Variants in PLS1 observed in about 807,000 individuals in gnomAD.
PLS1 encodes the protein plastin-1.
A neutral mutation model predicts 73.7 loss-of-function variants in PLS1; 32 were observed. That is an observed-to-expected ratio of 0.43 (90% CI 0.33 to 0.58). The LOEUF is 0.58. Ranked by LOEUF, PLS1 falls within the 20% of genes least tolerant of loss-of-function variation. The pLI is 0.04. For synonymous variants in PLS1, 217 were observed against 261.3 expected (o/e 0.83, Z 1.63); for missense variants, 633 against 740.5 (o/e 0.85, Z 1.68).
At chr3:142,622,240 G>C (rs905360884) in intron 1 of PLS1, among the ~76,000 whole-genome samples, 1 of 152,142 alleles carries the variant, frequency 6.6e-6, no homozygotes, top group Non-Finnish European at 1.5e-5. Flanking sequence ...ATGTGAGTGT[G>C]TATTTTTAAC....
chr3:142,661,419 C>G (rs1006248490), intron 1 of PLS1, among the ~76,000 whole-genome samples: 2 of 152,106 alleles, frequency 1.3e-5, no homozygotes, highest in African/African-American at 4.8e-5. Flanking sequence ...ATTAATTGCA[C>G]ATTTAATTAG....
chr3:142,604,673 G>T (rs986898842), intron 1 of PLS1, among the ~76,000 whole-genome samples: 1 of 152,170 alleles, frequency 6.6e-6, no homozygotes, highest in African/African-American at 2.4e-5. Context: ...AGTGGCTCAC[G>T]CCTGTAATCC....
intron 4 of PLS1, among the ~76,000 whole-genome samples, chr3:142,674,723 T>G (rs2037683274): frequency 6.6e-6 from 1 of 152,116 alleles, no homozygotes. Context: ...TGTGTCAATT[T>G]TTTCTTCGTT....
chr3:142,658,146 T>C (rs1198156003), intron 1 of PLS1, among the ~76,000 whole-genome samples: 1 of 152,180 alleles, frequency 6.6e-6, no homozygotes, highest in Admixed American at 6.5e-5. Flanking sequence ...GACATTAGCA[T>C]TTTGCCATAA....
chr3:142,670,021 A>C (rs1431001031), intron 3 of PLS1, among the ~76,000 whole-genome samples: 1 of 151,364 alleles, frequency 6.6e-6, no homozygotes, highest in Non-Finnish European at 1.5e-5. Flanking sequence ...AGAAGACTGC[A>C]TTGCACAAAT....
At chr3:142,653,350 A>G (rs1439330370) in intron 1 of PLS1, among the ~76,000 whole-genome samples, 1 of 146,452 alleles carries the variant, frequency 6.8e-6, no homozygotes, top group Admixed American at 6.9e-5. Context: ...TCTTGGTTAC[A>G]ATTAGGTCAG....
At chr3:142,709,190 T>C (rs1932987503) in intron 14 of PLS1, among the ~76,000 whole-genome samples, 1 of 152,196 alleles carries the variant, frequency 6.6e-6, no homozygotes, top group Non-Finnish European at 1.5e-5. Context: ...TTATTAAAAA[T>C]GTAGATTCCC....
At chr3:142,640,710 C>T (rs1029437108) in intron 1 of PLS1, among the ~76,000 whole-genome samples, 3 of 151,974 alleles carry the variant, frequency 2.0e-5, no homozygotes, top group Non-Finnish European at 4.4e-5. Flanking sequence ...GCATGTGGTA[C>T]GGAGTGTGTG....
At chr3:142,633,493 TA>T (rs1448900398) in intron 1 of PLS1, among the ~76,000 whole-genome samples, 3 of 152,076 alleles carry the variant, frequency 2.0e-5, no homozygotes, top group African/African-American at 7.2e-5. Context: ...CTGTCTCTAC[TA>T]AAAATACAAA....
At chr3:142,641,337 A>G in intron 1 of PLS1, among the ~76,000 whole-genome samples, 1 of 147,722 alleles carries the variant, frequency 6.8e-6, no homozygotes, top group South Asian at 2.1e-4. Context: ...ATATTTGGTC[A>G]TTGTTGGAAA....
intron 1 of PLS1, among the ~76,000 whole-genome samples, chr3:142,642,236 T>C (rs2108615790): frequency 6.6e-6 from 1 of 152,304 alleles, no homozygotes; most frequent in Non-Finnish European, 1.5e-5. Context: ...CCTGATAGTA[T>C]ATGGTGAATT....
chr3:142,672,928 C>A (rs1277765701), intron 4 of PLS1, among the ~76,000 whole-genome samples: 2 of 152,156 alleles, frequency 1.3e-5, no homozygotes. Flanking sequence ...CTCCCCATTT[C>A]CCTCTTCCCG....
At chr3:142,632,702 G>A (rs2036592724) in intron 1 of PLS1, among the ~76,000 whole-genome samples, 1 of 151,720 alleles carries the variant, frequency 6.6e-6, no homozygotes, top group Non-Finnish European at 1.5e-5. Context: ...GGGTTCCAGC[G>A]ATTCTCCTGT....
At chr3:142,599,522 G>T (rs1315606361) in intron 1 of PLS1, among the ~76,000 whole-genome samples, 1 of 151,450 alleles carries the variant, frequency 6.6e-6, no homozygotes, top group Non-Finnish European at 1.5e-5. Flanking sequence ...GTAGAGACGG[G>T]GTTTCACCTT....
intron 5 of PLS1, 85 bp downstream of exon 5, chr3:142,676,374 ATTGTCTT>A: frequency 7.7e-7 from 1 of 1,298,506 alleles, no homozygotes; most frequent in South Asian, 1.3e-5. Context: ...TCAGCTGTCC[ATTGTCTT>A]TTGGAGTCAG....
At chr3:142,601,060 A>T (rs1448311906) in intron 1 of PLS1, among the ~76,000 whole-genome samples, 1 of 143,842 alleles carries the variant, frequency 7.0e-6, no homozygotes, top group Non-Finnish European at 1.5e-5. Context: ...AGTAGCTGGG[A>T]CTACAGGCAC....
chr3:142,707,225 G>T (rs370580625), intron 14 of PLS1, among the ~76,000 whole-genome samples: 1 of 152,078 alleles, frequency 6.6e-6, no homozygotes, highest in East Asian at 1.9e-4. Flanking sequence ...GGTGAGGGAG[G>T]TATTTTTCCA....
At chr3:142,644,815 G>A (rs990899611) in intron 1 of PLS1, among the ~76,000 whole-genome samples, 2 of 152,204 alleles carry the variant, frequency 1.3e-5, no homozygotes, top group Non-Finnish European at 2.9e-5. Context: ...AGTATAAAAT[G>A]CTTGATGAAG....
chr3:142,676,724 A>G (rs1033642275), intron 5 of PLS1, among the ~76,000 whole-genome samples: 17 of 152,190 alleles, frequency 1.1e-4, no homozygotes, highest in African/African-American at 4.1e-4. Context: ...GGCTCTTTGC[A>G]TTCTATTTTT....
Sources: allele counts gnomAD v4.1 joint callset (sites outside exome capture counted in the v4.1 genomes callset), GRCh38; gene constraint gnomAD v4.1.1; transcripts MANE v1.5; gene names NCBI Gene and HGNC (gene_info 2026-07-23, HGNC 2026-07-21).